Variants in MAF observed in about 807,000 individuals in gnomAD.
MAF encodes the protein transcription factor Maf.
A neutral mutation model predicts 22.0 loss-of-function variants in MAF; 10 were observed. The observed-to-expected ratio is 0.45, with a 90% confidence interval of 0.28 to 0.77. The LOEUF (loss-of-function observed/expected upper bound fraction) is 0.77. Among genes scored for constraint, MAF ranks in the 30% least tolerant of loss-of-function variants. MAF has a pLI of 0.12. For synonymous variants in MAF, 337 were observed against 255.8 expected (o/e 1.32, Z -3.03); for missense variants, 544 against 548.4 (o/e 0.99, Z 0.08).
the MAF span, among the ~76,000 whole-genome samples, chr16:79,405,661 G>A: frequency 6.6e-6 from 1 of 152,142 alleles, no homozygotes; most frequent in Non-Finnish European, 1.5e-5. Context: ...GAAAGACTTC[G>A]AATGTTCATA....
At chr16:79,410,237 A>G in the MAF span, among the ~76,000 whole-genome samples, 2 of 152,018 alleles carry the variant, frequency 1.3e-5, no homozygotes, top group African/African-American at 4.8e-5. Context: ...ATCTTTTTCC[A>G]CCACATGGCT....
At chr16:79,478,165 T>C in the MAF span, among the ~76,000 whole-genome samples, 1 of 152,216 alleles carries the variant, frequency 6.6e-6, no homozygotes, top group South Asian at 2.1e-4. Context: ...TTTGTCAATA[T>C]TTCCAAACTC....
At chr16:79,261,300 C>G in the MAF span, among the ~76,000 whole-genome samples, 1 of 152,116 alleles carries the variant, frequency 6.6e-6, no homozygotes. Context: ...TTACAGGCAC[C>G]TGCCACCACG....
chr16:79,576,365 A>C, the MAF span, among the ~76,000 whole-genome samples: 1 of 151,990 alleles, frequency 6.6e-6, no homozygotes, highest in African/African-American at 2.4e-5. Flanking sequence ...AGTTTGAAAG[A>C]TACCATATAC....
At chr16:79,571,223 G>C in the MAF span, among the ~76,000 whole-genome samples, 1 of 152,084 alleles carries the variant, frequency 6.6e-6, no homozygotes, top group Non-Finnish European at 1.5e-5. Context: ...AGAACTTAGT[G>C]TCCCAGGGGG....
At chr16:79,334,233 C>G in the MAF span, among the ~76,000 whole-genome samples, 2,513 of 152,324 alleles carry the variant, frequency 0.016, 61 homozygotes, top group African/African-American at 0.057. Flanking sequence ...ACACATTGGG[C>G]TGCAGTCGTG....
At chr16:79,389,748 G>A in the MAF span, among the ~76,000 whole-genome samples, 5 of 151,782 alleles carry the variant, frequency 3.3e-5, no homozygotes, top group East Asian at 5.8e-4. Flanking sequence ...AGCCCGACGC[G>A]GGCGGATCAC....
chr16:79,347,931 G>T, the MAF span, among the ~76,000 whole-genome samples: 1 of 152,210 alleles, frequency 6.6e-6, no homozygotes, highest in African/African-American at 2.4e-5. Context: ...GAGTGTGCGT[G>T]CATCTATATG....
chr16:79,521,196 A>C, the MAF span, among the ~76,000 whole-genome samples: 1 of 152,298 alleles, frequency 6.6e-6, no homozygotes, highest in Non-Finnish European at 1.5e-5. Context: ...GGAATTCTAA[A>C]CCCAAGCTCC....
the MAF span, among the ~76,000 whole-genome samples, chr16:79,219,053 T>G: frequency 6.6e-6 from 1 of 152,362 alleles, no homozygotes; most frequent in African/African-American, 2.4e-5. Context: ...GAAAGAAGTG[T>G]CTTGCCTCTA....
At chr16:79,583,774 C>T (rs1324538819), downstream of MAF, among the ~76,000 whole-genome samples, 2 of 149,674 alleles carry the variant, frequency 1.3e-5, no homozygotes, top group African/African-American at 5.1e-5. Context: ...GAGGTTAAAA[C>T]ATCATCATCA....
At chr16:79,556,711 G>C in the MAF span, among the ~76,000 whole-genome samples, 1 of 152,118 alleles carries the variant, frequency 6.6e-6, no homozygotes, top group East Asian at 1.9e-4. Context: ...TTTCAGCTAC[G>C]TGGGTAAATT....
chr16:79,342,803 A>G, the MAF span, among the ~76,000 whole-genome samples: 31 of 152,340 alleles, frequency 2.0e-4, no homozygotes, highest in African/African-American at 7.2e-4. Context: ...GGCCTAGAAA[A>G]GACTAAAGAA....
the MAF span, among the ~76,000 whole-genome samples, chr16:79,456,428 T>C: frequency 1.3e-5 from 2 of 152,102 alleles, no homozygotes; most frequent in Non-Finnish European, 2.9e-5. Context: ...TATAAACATA[T>C]CTCCTTCTTA....
the MAF span, among the ~76,000 whole-genome samples, chr16:79,478,861 C>T: frequency 1.3e-5 from 2 of 151,888 alleles, no homozygotes; most frequent in Non-Finnish European, 2.9e-5. Flanking sequence ...ACCACACCAG[C>T]ATACCTATAT....
the MAF span, among the ~76,000 whole-genome samples, chr16:79,286,433 T>G: frequency 6.6e-6 from 1 of 152,226 alleles, no homozygotes; most frequent in Non-Finnish European, 1.5e-5. Flanking sequence ...GATAGTTTCA[T>G]AGCATAAATT....
the MAF span, among the ~76,000 whole-genome samples, chr16:79,224,770 A>C: frequency 6.6e-6 from 1 of 152,216 alleles, no homozygotes; most frequent in Non-Finnish European, 1.5e-5. Flanking sequence ...AATTGCTACA[A>C]AGAGAATAAA....
the MAF span, among the ~76,000 whole-genome samples, chr16:79,213,543 G>C: frequency 6.6e-6 from 1 of 152,228 alleles, no homozygotes; most frequent in African/African-American, 2.4e-5. Flanking sequence ...ACTGGCCTTG[G>C]CCAATTTGGA....
the MAF span, among the ~76,000 whole-genome samples, chr16:79,252,015 C>G: frequency 6.6e-6 from 1 of 152,220 alleles, no homozygotes; most frequent in African/African-American, 2.4e-5. Context: ...ACTAAGAATC[C>G]TGCAAATAGC....
Sources: gnomAD v4.1 joint callset for allele counts (sites outside exome capture counted in the v4.1 genomes callset) on GRCh38, gnomAD v4.1.1 for gene constraint, MANE v1.5 for transcripts, NCBI Gene and HGNC (gene_info 2026-07-23, HGNC 2026-07-21) for gene names.